IMMP2L: variants seen among roughly 807,000 people sequenced by gnomAD.
The protein encoded by IMMP2L is inner mitochondrial membrane peptidase subunit 2.
IMMP2L carries 18 observed loss-of-function variants against 19.3 expected under a neutral mutation model. The observed-to-expected ratio is 0.93, with a 90% CI of 0.64 to 1.38. The LOEUF is 1.38. Ranked by LOEUF, IMMP2L falls within the 40% of genes most tolerant of loss-of-function variation. The pLI is 0.00. For missense variants in IMMP2L, 233 were observed against 218.2 expected (o/e 1.07, Z -0.43); for synonymous variants, 76 against 73.0 (o/e 1.04, Z -0.21).
chr7:111,520,756 A>G (rs2132667293), intron 2 of IMMP2L, among the ~76,000 whole-genome samples: 1 of 152,226 alleles, frequency 6.6e-6, no homozygotes, highest in Non-Finnish European at 1.5e-5. Context: ...AATTTTCTCT[A>G]AGTTATTCCA....
chr7:111,365,400 T>G (rs766305000), intron 3 of IMMP2L, among the ~76,000 whole-genome samples: 5 of 152,150 alleles, frequency 3.3e-5, no homozygotes, highest in Non-Finnish European at 5.9e-5. Flanking sequence ...TAATCCTATA[T>G]AGCTGCTTGT....
intron 3 of IMMP2L, among the ~76,000 whole-genome samples, chr7:111,052,337 C>T (rs960412371): frequency 2.6e-5 from 4 of 152,142 alleles, no homozygotes; most frequent in African/African-American, 9.7e-5. Flanking sequence ...AAGCCTGCTA[C>T]CTGGAGCCTT....
At chr7:111,221,428 C>T (rs1233934824) in intron 3 of IMMP2L, among the ~76,000 whole-genome samples, 1 of 151,906 alleles carries the variant, frequency 6.6e-6, no homozygotes, top group Non-Finnish European at 1.5e-5. Flanking sequence ...TCAAAAGTAG[C>T]TTGTTTTAAG....
intron 3 of IMMP2L, 112 bp downstream of exon 3, chr7:111,487,126 A>G: frequency 1.9e-6 from 1 of 534,022 alleles, no homozygotes; most frequent in Non-Finnish European, 3.3e-6. Flanking sequence ...TGTATTTAAC[A>G]TGTATTCAAT....
intron 3 of IMMP2L, among the ~76,000 whole-genome samples, chr7:111,421,649 A>C (rs1835566394): frequency 6.6e-6 from 1 of 151,054 alleles, no homozygotes; most frequent in Non-Finnish European, 1.5e-5. Context: ...GATTGCAAAA[A>C]TTTTCTCCCA....
At chr7:110,861,120 AG>A (rs1807367177) in intron 5 of IMMP2L, among the ~76,000 whole-genome samples, 6 of 147,344 alleles carry the variant, frequency 4.1e-5, no homozygotes, top group Admixed American at 2.0e-4. Flanking sequence ...AGAGAGAGAG[AG>A]AGAGAGAGAC....
intron 3 of IMMP2L, among the ~76,000 whole-genome samples, chr7:110,988,766 T>G (rs989037721): frequency 3.3e-5 from 5 of 152,082 alleles, no homozygotes; most frequent in Non-Finnish European, 1.5e-5. Flanking sequence ...ATTGTATTCC[T>G]AAAAAGGAAT....
At chr7:111,305,218 A>G (rs1822733443) in intron 3 of IMMP2L, among the ~76,000 whole-genome samples, 2 of 152,244 alleles carry the variant, frequency 1.3e-5, no homozygotes, top group Non-Finnish European at 2.9e-5. Context: ...AGAGAGGGCT[A>G]AATTATTAGA....
At chr7:111,081,027 T>C (rs2129576429) in intron 3 of IMMP2L, among the ~76,000 whole-genome samples, 1 of 152,342 alleles carries the variant, frequency 6.6e-6, no homozygotes, top group Non-Finnish European at 1.5e-5. Flanking sequence ...AGACCTGTAA[T>C]CAGACTAGTG....
At chr7:110,944,195 C>T (rs1563100173) in intron 4 of IMMP2L, among the ~76,000 whole-genome samples, 1 of 151,886 alleles carries the variant, frequency 6.6e-6, no homozygotes, top group Non-Finnish European at 1.5e-5. Flanking sequence ...CTCCGGACCT[C>T]AGGGAGCTCA....
In IMMP2L at chr7:111,341,804, A is replaced by G. The variant is rs1391884579; in HGVS notation, c.239+145434T>C. 2.0e-5 allele frequency among the ~76,000 whole-genome samples: 3 copies of G among 152,112 alleles called. No individual in the cohort carries two copies. The East Asian group carries it at 5.8e-4, about 29-fold the overall frequency. ...GGGTTGAAAGGTGAGGCCTAATGGG[A>G]GGTGTTTAGGTCATGCAGGCTCCAC... On this transcript the variant is annotated intron_variant, in intron 3 of 5. Transcript: ENST00000405709.
chr7:111,062,380 C>A (rs574691935), intron 3 of IMMP2L, among the ~76,000 whole-genome samples: 1 of 152,256 alleles, frequency 6.6e-6, no homozygotes, highest in East Asian at 1.9e-4. Context: ...CACCTCTCAC[C>A]AAGTTTCTCC....
chr7:111,263,437 G>A (rs986112114), intron 3 of IMMP2L, among the ~76,000 whole-genome samples: 4 of 152,152 alleles, frequency 2.6e-5, no homozygotes, highest in Non-Finnish European at 5.9e-5. Context: ...ACAGCTATTT[G>A]TTGAAATGAG....
intron 3 of IMMP2L, among the ~76,000 whole-genome samples, chr7:111,293,660 T>TCC (rs1054543076): frequency 6.6e-6 from 1 of 152,000 alleles, no homozygotes; most frequent in Non-Finnish European, 1.5e-5. Context: ...TTCTATGTAA[T>TCC]GTAATCTTAG....
intron 3 of IMMP2L, among the ~76,000 whole-genome samples, chr7:110,980,661 A>T (rs550341469): frequency 6.6e-6 from 1 of 152,306 alleles, no homozygotes; most frequent in South Asian, 2.1e-4. Context: ...ACTGTATGGA[A>T]TTAAGCAGAG....
At chr7:110,773,300 G>T (rs1799159529) in intron 5 of IMMP2L, among the ~76,000 whole-genome samples, 1 of 152,104 alleles carries the variant, frequency 6.6e-6, no homozygotes, top group African/African-American at 2.4e-5. Flanking sequence ...TCTTGCAACT[G>T]CTTCAAGCAA....
In IMMP2L at chr7:111,502,645, T is replaced by G. The variant is rs1176531867; in HGVS notation, c.136-15304A>C. 2.6e-5 allele frequency among the ~76,000 whole-genome samples: 4 copies of G among 151,564 alleles called. No homozygotes were observed. In the East Asian group the frequency reaches 7.8e-4, roughly 29 times the overall value. On this transcript the variant is annotated intron_variant, in intron 2 of 5. Coordinates refer to ENST00000405709, the MANE Select transcript of IMMP2L (RefSeq NM_032549.4). ...CTCTCAGACCACAGTGCAATCAAAC[T>G]AGAACTCAGGATTAAGAAACTCACT... is the stretch of plus-strand genomic sequence containing the variant.
intron 2 of IMMP2L, among the ~76,000 whole-genome samples, chr7:111,494,453 G>C (rs1260259113): frequency 2.6e-5 from 4 of 152,186 alleles, no homozygotes; most frequent in Non-Finnish European, 5.9e-5. Context: ...TTCTCTGTCT[G>C]TCTCTCTCAA....
chr7:111,235,066 A>G (rs1374464422), intron 3 of IMMP2L, among the ~76,000 whole-genome samples: 1 of 152,082 alleles, frequency 6.6e-6, no homozygotes, highest in Non-Finnish European at 1.5e-5. Context: ...AACTTTTTTT[A>G]GCATATCTTT....
Sources: gnomAD v4.1 joint callset for allele counts (sites outside exome capture counted in the v4.1 genomes callset) on GRCh38, gnomAD v4.1.1 for gene constraint, MANE v1.5 for transcripts, NCBI Gene and HGNC (gene_info 2026-07-23, HGNC 2026-07-21) for gene names.